ZNF585A: variants seen among roughly 807,000 people sequenced by gnomAD.
The protein encoded by ZNF585A is zinc finger protein 585A.
ZNF585A carries 9 observed loss-of-function variants against 14.9 expected under a neutral mutation model. The ratio of observed to expected loss-of-function variants is 0.60; its 90% CI spans 0.36 to 1.05. The LOEUF (loss-of-function observed/expected upper bound fraction) is 1.05. Among genes scored for constraint, ZNF585A ranks in the 50% least tolerant of loss-of-function variants. The probability of loss-of-function intolerance (pLI) is 0.01; values close to 1 mark genes in which losing one functional copy is unlikely to be tolerated. For synonymous variants in ZNF585A, 276 were observed against 319.9 expected (o/e 0.86, Z 1.46); for missense variants, 726 against 926.4 (o/e 0.78, Z 2.81).
At chr19:37,164,259 A>G (rs184122664) in intron 2 of ZNF585A, among the ~76,000 whole-genome samples, 2 of 151,848 alleles carry the variant, frequency 1.3e-5, no homozygotes, top group Non-Finnish European at 2.9e-5. Context: ...AAAAATTAGC[A>G]GGGCGTGGTG....
Position 37,170,033 on chromosome 19 carries a change from C to T in ZNF585A, c.-123G>A. On this transcript the variant is annotated 5_prime_UTR_variant, in exon 2 of 5. Transcript: ENST00000292841. ...TCTAGAGGAAAATCTGGCCCAGGGG[C>T]TCCCCAGAGACACCCAGAAACCTGG... The T allele has an allele frequency of 1.7e-6, 2 of 1,180,098 alleles. No homozygotes were observed. Among genetic ancestry groups the T allele is most frequent in the South Asian group, 1.4e-5 (1 of 69,812 alleles). The allele number at this position is 1,180,098 out of a possible 1,614,324, so 73.1% of individuals were successfully genotyped here.
chr19:37,157,889 T>C (rs1161683484), intron 2 of ZNF585A, among the ~76,000 whole-genome samples: 1 of 110,562 alleles, frequency 9.0e-6, no homozygotes, highest in African/African-American at 4.8e-5. Flanking sequence ...GGAAAAGTTC[T>C]TTTTTTTTTT....
chr19:37,171,969 C>T (rs1972190220), intron 1 of ZNF585A, among the ~76,000 whole-genome samples: 1 of 150,992 alleles, frequency 6.6e-6, no homozygotes, highest in South Asian at 2.1e-4. Context: ...AAAAGAAGGA[C>T]AAATGGACAA....
At position 37,151,356 on chromosome 19, in the gene ZNF585A, C is replaced by G. The variant is rs995928423; in HGVS notation, c.*233G>C. On this transcript the variant is annotated 3_prime_UTR_variant, in exon 5 of 5. Transcript: ENST00000292841. ...GCTTTTCCTATTCACCAAATTGACT[C>G]GGTTCCTTGTCAGTATGAATAATGA... 1.7e-5 allele frequency: 8 copies of G among 462,092 alleles called. No homozygotes were observed. The East Asian group carries it at 2.5e-4, about 14-fold the overall frequency. The allele number at this position is 462,092 out of a possible 1,614,324, so 28.6% of individuals were successfully genotyped here. A position where few individuals can be genotyped will look rare whatever the true frequency, so the allele number is the denominator to read the frequency against.
At chr19:37,158,060 G>A (rs530799817) in intron 2 of ZNF585A, among the ~76,000 whole-genome samples, 4 of 151,962 alleles carry the variant, frequency 2.6e-5, no homozygotes, top group East Asian at 3.9e-4. Flanking sequence ...GCTAATTTTC[G>A]TATTTTTAAT....
rs11671732 is a variant in ZNF585A at position 37,154,109 on chromosome 19, G to C, written c.293-503C>G. 2.5e-3 allele frequency among the ~76,000 whole-genome samples: 376 copies of C among 152,294 alleles called. 2 individuals carry two copies. In the South Asian group the frequency reaches 0.028, roughly 11 times the overall value. On this transcript the variant is annotated intron_variant, in intron 4 of 4. Transcript: ENST00000292841. ...GGGTATGGTACAAATGACTCATCCA[G>C]GCTGAACACAGAGAAAAGGGTGAGG... is the stretch of plus-strand genomic sequence containing the variant.
chr19:37,165,156 G>A (rs1415451297), intron 2 of ZNF585A, among the ~76,000 whole-genome samples: 3 of 151,946 alleles, frequency 2.0e-5, no homozygotes, highest in African/African-American at 4.8e-5. Context: ...GGTCAAAGTT[G>A]AGACCATCCT....
chr19:37,159,344 C>T (rs1412785870), intron 2 of ZNF585A, among the ~76,000 whole-genome samples: 2 of 149,874 alleles, frequency 1.3e-5, no homozygotes, highest in Non-Finnish European at 3.0e-5. Flanking sequence ...ATTATCTTTA[C>T]TTTTGCATAT....
chr19:37,166,829 A>C (rs534109706), intron 2 of ZNF585A, among the ~76,000 whole-genome samples: 128 of 152,056 alleles, frequency 8.4e-4, no homozygotes, highest in African/African-American at 2.9e-3. Context: ...GCTTTAGCAC[A>C]TAAACTTACT....
intron 2 of ZNF585A, among the ~76,000 whole-genome samples, chr19:37,160,158 C>A (rs1247464542): frequency 6.6e-6 from 1 of 151,728 alleles, no homozygotes; most frequent in East Asian, 1.9e-4. Context: ...CAGGGCAAAA[C>A]CCCATCTCCA....
chr19:37,156,453 T>A (rs1971932987), intron 2 of ZNF585A, 98 bp from the exon 3 acceptor site: 2 of 1,416,072 alleles, frequency 1.4e-6, no homozygotes, highest in African/African-American at 2.9e-5. Flanking sequence ...TGTTTTAAAT[T>A]TACATTCTCT....
rs1355567837 is a variant in ZNF585A at position 37,151,363 on chromosome 19, T to C, written c.*226A>G. 8 of 481,542 alleles carry C rather than the reference T, an allele frequency of 1.7e-5. No individual in the cohort carries two copies. The East Asian group carries it at 2.1e-4, about 13-fold the overall frequency. 29.8% of individuals were successfully genotyped at this position (481,542 alleles called of 1,614,324 possible). On this transcript the variant is annotated 3_prime_UTR_variant, in exon 5 of 5. Transcript: ENST00000292841. ...CTATTCACCAAATTGACTCGGTTCC[T>C]TGTCAGTATGAATAATGACCCAAGG...
At position 37,151,667 on chromosome 19, in the gene ZNF585A, T is replaced by C; in HGVS notation, c.2232A>G (p.Lys744=). 5 of 1,614,170 alleles carry C rather than the reference T, an allele frequency of 3.1e-6. No homozygotes were observed. The highest frequency in any genetic ancestry group is 1.3e-5 in the African/African-American group (1 of 75,040). ...NKHQTTHTGD[K]PYKCGICGKG... ...TCCCACAGATGCCACACTTGTAGGG[T>C]TTGTCTCCAGTGTGTGTTGTCTGAT... is the stretch of plus-strand genomic sequence containing the variant. Residue 744 remains lysine, a synonymous_variant, in exon 5 of 5, where the codon AAA becomes AAG. Coordinates refer to ENST00000292841, the MANE Select transcript of ZNF585A (RefSeq NM_001288800.2).
intron 4 of ZNF585A, among the ~76,000 whole-genome samples, chr19:37,154,828 G>A (rs1274446537): frequency 6.6e-6 from 1 of 151,024 alleles, no homozygotes; most frequent in African/African-American, 2.4e-5. Context: ...AAAGAAAAAA[G>A]AAAAGAAATA....
At chr19:37,168,566 T>C (rs1190721540) in intron 2 of ZNF585A, among the ~76,000 whole-genome samples, 1 of 152,260 alleles carries the variant, frequency 6.6e-6, no homozygotes, top group Non-Finnish European at 1.5e-5. Flanking sequence ...TTACCAATTA[T>C]AGCTTTTGCT....
At position 37,151,082 on chromosome 19, in the gene ZNF585A, T is replaced by C; in HGVS notation, c.*507A>G. On this transcript the variant is annotated 3_prime_UTR_variant, in exon 5 of 5. Transcript: ENST00000292841. ...AGAAATACTGAATGAGGGTTGGATA[T>C]GACCAACTGTGGTAGATTCGAATGA... 3.0e-6 allele frequency: 1 copy of C among 335,038 alleles called. No individual in the cohort carries two copies. The highest frequency in any genetic ancestry group is 5.4e-6 in the Non-Finnish European group (1 of 186,524). The allele number at this position is 335,038 out of a possible 1,614,324, so 20.8% of individuals were successfully genotyped here. A position where few individuals can be genotyped will look rare whatever the true frequency, so the allele number is the denominator to read the frequency against.
chr19:37,171,157 A>G (rs1334970308), intron 1 of ZNF585A, among the ~76,000 whole-genome samples: 1 of 152,244 alleles, frequency 6.6e-6, no homozygotes, highest in Non-Finnish European at 1.5e-5. Flanking sequence ...AGGACTGATC[A>G]CTTAATTATG....
intron 2 of ZNF585A, among the ~76,000 whole-genome samples, chr19:37,159,041 G>A (rs1971972956): frequency 6.6e-6 from 1 of 151,774 alleles, no homozygotes. Context: ...TGAGGTTGGG[G>A]GTTTGAGACC....
intron 2 of ZNF585A, among the ~76,000 whole-genome samples, chr19:37,159,018 C>A (rs191900617): frequency 6.6e-6 from 1 of 152,118 alleles, no homozygotes; most frequent in Admixed American, 6.5e-5. Flanking sequence ...GAGGCCGAGG[C>A]AAGTGGATTG....
Sources: gnomAD v4.1 joint callset for allele counts (sites outside exome capture counted in the v4.1 genomes callset) on GRCh38, gnomAD v4.1.1 for gene constraint, MANE v1.5 for transcripts, NCBI Gene and HGNC (gene_info 2026-07-23, HGNC 2026-07-21) for gene names.